IL1RAPL1: variants seen among roughly 807,000 people sequenced by gnomAD.
IL1RAPL1 encodes the protein interleukin 1 receptor accessory protein like 1, also known as interleukin-1 receptor accessory protein-like 1.
In IL1RAPL1, 3 loss-of-function variants were observed where a neutral mutation model predicts 48.4. That is an observed-to-expected ratio of 0.06 (90% CI 0.03 to 0.16). IL1RAPL1 has a LOEUF of 0.16. Among genes scored for constraint, IL1RAPL1 ranks in the 10% least tolerant of loss-of-function variants. The pLI is 1.00. For missense variants in IL1RAPL1, 349 were observed against 530.6 expected, an observed-to-expected ratio of 0.66 and a Z score of 3.36; for synonymous variants, 185 against 187.7, an observed-to-expected ratio of 0.99 and a Z score of 0.12.
At chrX:28,749,636 T>A (rs1936015701) in intron 1 of IL1RAPL1, among the ~76,000 whole-genome samples, 1 of 112,079 alleles carries the variant, frequency 8.9e-6, no homozygotes, top group Non-Finnish European at 1.9e-5. Context: ...TAAGTTCTTA[T>A]ATATTCTGGA....
intron 1 of IL1RAPL1, among the ~76,000 whole-genome samples, chrX:28,667,070 TAAG>T (rs2146912242): frequency 8.9e-6 from 1 of 111,867 alleles, no homozygotes; most frequent in South Asian, 3.7e-4. Flanking sequence ...TAAATTCACT[TAAG>T]AAAACCATTT....
chrX:29,076,385 T>C (rs1395289703), intron 2 of IL1RAPL1, among the ~76,000 whole-genome samples: 1 of 112,171 alleles, frequency 8.9e-6, no homozygotes, highest in Non-Finnish European at 1.9e-5. Flanking sequence ...CAGTCATTAT[T>C]ACTGTCAAGG....
At chrX:28,700,213 C>A (rs1041968995) in intron 1 of IL1RAPL1, among the ~76,000 whole-genome samples, 1 of 110,932 alleles carries the variant, frequency 9.0e-6, no homozygotes, top group African/African-American at 3.3e-5. Flanking sequence ...TACAGGGATG[C>A]CCTTTACTTT....
chrX:29,706,090 G>T (rs1048581789), intron 6 of IL1RAPL1, among the ~76,000 whole-genome samples: 2 of 111,284 alleles, frequency 1.8e-5, no homozygotes, highest in Non-Finnish European at 3.8e-5. Flanking sequence ...AGAAACTCCC[G>T]TTTTTAAAAC....
chrX:29,447,192 T>C (rs1934622282), intron 5 of IL1RAPL1, among the ~76,000 whole-genome samples: 1 of 111,337 alleles, frequency 9.0e-6, no homozygotes, highest in African/African-American at 3.3e-5. Flanking sequence ...TGCCAGTGTA[T>C]GTGGAAACCC....
chrX:28,656,677 C>T lies in IL1RAPL1; in HGVS notation c.-25+68630C>T, dbSNP rs147747457. Among the ~76,000 whole-genome samples, 424 of 111,583 alleles carry T rather than the reference C, an allele frequency of 3.8e-3. 2 individuals are homozygous for T. The highest frequency in any genetic ancestry group is 0.013 in the African/African-American group (393 of 30,702). On this transcript the variant is annotated intron_variant, in intron 1 of 10. Transcript: ENST00000378993. ...TCTTCATTTAGATCAAATTGCCTTG[C>T]GTTGATAGTGTTGTGTACCTAGCAT...
At chrX:28,909,452 T>C (rs1188338544) in intron 2 of IL1RAPL1, among the ~76,000 whole-genome samples, 5 of 111,646 alleles carry the variant, frequency 4.5e-5, no homozygotes, top group Non-Finnish European at 9.4e-5. Context: ...AGCCAATCTA[T>C]GTCAGTTCCA....
chrX:28,873,328 C>G (rs1922258449), intron 2 of IL1RAPL1, among the ~76,000 whole-genome samples: 2 of 106,963 alleles, frequency 1.9e-5, no homozygotes, highest in Admixed American at 2.0e-4. Flanking sequence ...CCAGACTGGT[C>G]TTGAACTCCT....
intron 5 of IL1RAPL1, among the ~76,000 whole-genome samples, chrX:29,472,055 A>G (rs1331380912): frequency 9.0e-6 from 1 of 110,720 alleles, no homozygotes; most frequent in Non-Finnish European, 1.9e-5. Context: ...CTCATTTCCT[A>G]TTTACTCTTC....
intron 1 of IL1RAPL1, among the ~76,000 whole-genome samples, chrX:28,616,521 C>T (rs907372683): frequency 7.3e-5 from 8 of 110,323 alleles, no homozygotes; most frequent in East Asian, 2.8e-4. Flanking sequence ...GCAACCTCCA[C>T]CTCCCAGGTT....
chrX:29,725,889 A>G (rs1927763898), intron 6 of IL1RAPL1, among the ~76,000 whole-genome samples: 1 of 112,444 alleles, frequency 8.9e-6, no homozygotes, highest in Admixed American at 9.5e-5. Flanking sequence ...GATCTCTGAT[A>G]TAAGCAATCA....
chrX:29,139,982 C>T (rs5985960), intron 2 of IL1RAPL1, among the ~76,000 whole-genome samples: 4,437 of 111,216 alleles, frequency 0.04, 205 homozygotes, highest in African/African-American at 0.14. Context: ...AGGTTTATTT[C>T]GCTCATGGTT....
rs977013296 is a variant in IL1RAPL1, at chrX:29,941,917, G to A, written c.1201+123G>A. On this transcript the variant is annotated intron_variant, in intron 9 of 10. Coordinates refer to ENST00000378993, the MANE Select transcript of IL1RAPL1 (RefSeq NM_014271.4). Reference sequence around the variant, plus strand: ...GCAGCAGCTCGTATATTCTTTCAGTGCTCAGTTTGTAAATTTCTCTTTTGT... The same window carrying A: ...GCAGCAGCTCGTATATTCTTTCAGTACTCAGTTTGTAAATTTCTCTTTTGT... The A allele has an allele frequency of 8.4e-6, 5 of 591,977 alleles. 1 individual carries two copies. The South Asian group carries it at 1.3e-4, about 16-fold the overall frequency. The allele number at this position is 591,977 out of a possible 1,213,427, so 48.8% of individuals were successfully genotyped here.
chrX:29,181,144 A>G (rs1186407690), intron 2 of IL1RAPL1, among the ~76,000 whole-genome samples: 1 of 111,819 alleles, frequency 8.9e-6, no homozygotes, highest in Non-Finnish European at 1.9e-5. Flanking sequence ...GGAGGAGTTT[A>G]CCTGGCCTCT....
intron 3 of IL1RAPL1, among the ~76,000 whole-genome samples, chrX:29,302,963 C>T (rs150758536): frequency 8.9e-6 from 1 of 112,482 alleles, no homozygotes; most frequent in East Asian, 2.8e-4. Context: ...ACAATGTAGA[C>T]ATACTCTCAG....
chrX:29,368,590 C>CTT (rs894805840), intron 3 of IL1RAPL1, among the ~76,000 whole-genome samples: 1,261 of 87,615 alleles, frequency 0.014, 36 homozygotes, highest in African/African-American at 0.052. Flanking sequence ...CTTTTTCTTT[C>CTT]TTTTTTTTTT....
intron 2 of IL1RAPL1, among the ~76,000 whole-genome samples, chrX:29,026,182 G>C (rs184752608): frequency 1.8e-5 from 2 of 111,830 alleles, no homozygotes; most frequent in Non-Finnish European, 3.8e-5. Flanking sequence ...GTTTTTATTT[G>C]AAACCAACTC....
intron 6 of IL1RAPL1, among the ~76,000 whole-genome samples, chrX:29,755,572 C>CA (rs1309446379): frequency 8.9e-6 from 1 of 112,002 alleles, no homozygotes; most frequent in Non-Finnish European, 1.9e-5. Context: ...ACTTTGAGAA[C>CA]AAAAAATGTA....
chrX:29,573,160 C>T (rs113444594), intron 5 of IL1RAPL1, among the ~76,000 whole-genome samples: 3,062 of 111,740 alleles, frequency 0.027, 104 homozygotes, highest in African/African-American at 0.094. Flanking sequence ...TTTATAAGGG[C>T]ATTAATCCCA....
Sources: gnomAD v4.1 joint callset for allele counts (sites outside exome capture counted in the v4.1 genomes callset) on GRCh38, gnomAD v4.1.1 for gene constraint, MANE v1.5 for transcripts, NCBI Gene and HGNC (gene_info 2026-07-23, HGNC 2026-07-21) for gene names.